ATP11B: variants seen among roughly 807,000 people sequenced by gnomAD.
ATP11B encodes ATPase phospholipid transporting 11B (putative).
Under a neutral mutation model 157.8 loss-of-function variants are expected in ATP11B, and 81 were observed. The ratio of observed to expected loss-of-function variants is 0.51; its 90% CI spans 0.43 to 0.62. The LOEUF (loss-of-function observed/expected upper bound fraction) is 0.62, where lower values mean the gene tolerates loss of function less well. ATP11B is among the 20% of genes least tolerant of loss of function. The probability of loss-of-function intolerance (pLI) is 0.00; values close to 1 mark genes in which losing one functional copy is unlikely to be tolerated. For missense variants in ATP11B, 1,165 were observed against 1,402.2 expected (o/e 0.83, Z 2.70); for synonymous variants, 451 against 469.4 (o/e 0.96, Z 0.51).
chr3:182,814,050 A>ATATT (rs1178000905), intron 1 of ATP11B, among the ~76,000 whole-genome samples: 3 of 151,442 alleles, frequency 2.0e-5, no homozygotes, highest in Non-Finnish European at 4.4e-5. Context: ...GTGATATTTT[A>ATATT]TATTTATTTA....
chr3:182,889,505 A>G lies in ATP11B; in HGVS notation c.2939A>G (p.Tyr980Cys), dbSNP rs772236676. 9.6e-6 allele frequency: 15 copies of G among 1,570,006 alleles called. No individual in the cohort carries two copies. In the East Asian group the frequency reaches 1.2e-4, roughly 12 times the overall value. ...SHAFIFFFGS[Y>C]LLIGKDTSLL... ...GCCTTTATTTTCTTTTTTGGATCCTATTTACTAATAGGGAAAGATACATCT... is the reference window on the plus strand; with the variant it reads ...GCCTTTATTTTCTTTTTTGGATCCTGTTTACTAATAGGGAAAGATACATCT... The change falls in exon 25 of 30, where the codon TAT becomes TGT. Residue 980 changes from tyrosine to cysteine, a missense_variant. Tyr to Cys is a radical substitution (Grantham distance 194). Around this residue, in one of 4 missense-constraint regions of ATP11B, gnomAD observed 303 missense variants for 296.3 expected, o/e 1.02. Transcript: ENST00000323116.
At chr3:182,857,838 C>CT in intron 10 of ATP11B, 40 bp from the exon 11 acceptor site, 1 of 1,275,448 alleles carries the variant, frequency 7.8e-7, no homozygotes, top group Non-Finnish European at 1.1e-6. Context: ...TATAGTAATA[C>CT]ATGAGTTGTA....
chr3:182,826,800 G>A (rs1480924268), intron 2 of ATP11B, among the ~76,000 whole-genome samples: 2 of 152,042 alleles, frequency 1.3e-5, no homozygotes, highest in Non-Finnish European at 2.9e-5. Context: ...CTGTTTATAA[G>A]GTTGTTCATG....
In ATP11B at chr3:182,805,161, C is replaced by T. The variant is rs76784919; in HGVS notation, c.27+11375C>T. ...CCTAAAGAGTAGACTTTTATTGGGTCATATAGTAACTCTGTTTTTAACTTT... is the reference window on the plus strand; with the variant it reads ...CCTAAAGAGTAGACTTTTATTGGGTTATATAGTAACTCTGTTTTTAACTTT... On this transcript the variant is annotated intron_variant, in intron 1 of 29. Transcript: ENST00000323116. Among the ~76,000 whole-genome samples, 14 of 152,240 alleles carry T rather than the reference C, an allele frequency of 9.2e-5. No individual in the cohort carries two copies. The East Asian group carries it at 2.7e-3, about 29-fold the overall frequency.
In ATP11B at chr3:182,817,800, T is replaced by G. The variant is rs575677056; in HGVS notation, c.28-2460T>G. The stretch of plus-strand genomic sequence containing the variant: ...TTGCTGTTATTTTGGGTCCTTTTTT[T>G]TTTGTTTCTTAACTTTAGATGTACA... On this transcript the variant is annotated intron_variant, in intron 1 of 29. Transcript: ENST00000323116. 2.0e-5 allele frequency among the ~76,000 whole-genome samples: 3 copies of G among 152,110 alleles called. No homozygotes were observed. The South Asian group carries it at 6.2e-4, about 31-fold the overall frequency.
intron 10 of ATP11B, among the ~76,000 whole-genome samples, chr3:182,854,722 C>T (rs1720239518): frequency 6.6e-6 from 1 of 150,880 alleles, no homozygotes; most frequent in Non-Finnish European, 1.5e-5. Context: ...GACTTGTATC[C>T]TGAGTATATA....
intron 20 of ATP11B, among the ~76,000 whole-genome samples, chr3:182,880,475 T>C (rs968575308): frequency 6.6e-6 from 1 of 152,184 alleles, no homozygotes; most frequent in Non-Finnish European, 1.5e-5. Context: ...TTGATTTTTT[T>C]AAAGTCTTAA....
chr3:182,856,250 A>G (rs1720393468), intron 10 of ATP11B, among the ~76,000 whole-genome samples: 1 of 152,226 alleles, frequency 6.6e-6, no homozygotes, highest in Non-Finnish European at 1.5e-5. Flanking sequence ...ACTAATACAC[A>G]GTAAAAAAAT....
At position 182,914,709 on chromosome 3, in the gene ATP11B, A is replaced by G. The variant is rs796576479; in HGVS notation, c.3452+715A>G. On this transcript the variant is annotated intron_variant, in intron 29 of 29. Transcript: ENST00000323116. The stretch of plus-strand genomic sequence containing the variant: ...CACCATGCCTGCTGTTGTGCACCAT[A>G]ACGAAAAAAAACACCTTTTGGTAAA... 8.9e-5 allele frequency: 88 copies of G among 985,414 alleles called. No individual in the cohort carries two copies. In the African/African-American group the frequency reaches 1.4e-3, roughly 16 times the overall value. 61.0% of individuals were successfully genotyped at this position (985,414 alleles called of 1,614,324 possible).
intron 4 of ATP11B, among the ~76,000 whole-genome samples, chr3:182,830,322 CAA>C (rs5854958): frequency 3.5e-4 from 35 of 99,094 alleles, no homozygotes; most frequent in Non-Finnish European, 3.8e-4. Flanking sequence ...GATCCTGTCT[CAA>C]AAAAAAAAAA....
At chr3:182,829,091 T>C (rs985916719) in intron 3 of ATP11B, among the ~76,000 whole-genome samples, 3 of 152,174 alleles carry the variant, frequency 2.0e-5, no homozygotes, top group African/African-American at 7.2e-5. Flanking sequence ...TTGGCTTTCT[T>C]GGAAAAGCAA....
At chr3:182,814,127 AT>A in intron 1 of ATP11B, among the ~76,000 whole-genome samples, 1 of 152,076 alleles carries the variant, frequency 6.6e-6, no homozygotes, top group South Asian at 2.1e-4. Flanking sequence ...CAATGGTGCA[AT>A]CTTGGCTCAC....
chr3:182,822,620 C>T (rs189215939), intron 2 of ATP11B, among the ~76,000 whole-genome samples: 1,763 of 152,204 alleles, frequency 0.012, 36 homozygotes, highest in African/African-American at 0.04. Flanking sequence ...TATAATCCTT[C>T]GGATATATAC....
intron 28 of ATP11B, among the ~76,000 whole-genome samples, chr3:182,901,883 A>G (rs1407286981): frequency 6.6e-6 from 1 of 152,174 alleles, no homozygotes; most frequent in African/African-American, 2.4e-5. Context: ...CAATCATTTT[A>G]TCTATGTGTA....
At position 182,872,548 on chromosome 3, in the gene ATP11B, G is replaced by A. The variant is rs777164420; in HGVS notation, c.2048+11G>A. On this transcript the variant is annotated intron_variant, in intron 18 of 29. Transcript: ENST00000323116. ...AGCAGTAGAAGACAGGTAAGTATCAGATAATTAAAAAATATTACTTTTCTC... is the reference window on the plus strand; with the variant it reads ...AGCAGTAGAAGACAGGTAAGTATCAAATAATTAAAAAATATTACTTTTCTC... 2 of 1,562,048 alleles carry A rather than the reference G, an allele frequency of 1.3e-6. No individual in the cohort carries two copies. The highest frequency in any genetic ancestry group is 1.7e-6 in the Non-Finnish European group (2 of 1,157,322).
rs1012519992 is a variant in ATP11B, at chr3:182,809,036, C to T, written c.28-11224C>T. ...GGTTAGAAAAATAAAAAGTTGGCAA[C>T]CCTATGCCAGTTTCCTAATTTAAAA... On this transcript the variant is annotated intron_variant, in intron 1 of 29. Transcript: ENST00000323116. 7.9e-5 allele frequency among the ~76,000 whole-genome samples: 12 copies of T among 151,894 alleles called. No homozygotes were observed. In the East Asian group the frequency reaches 1.7e-3, roughly 22 times the overall value.
At chr3:182,823,936 T>G (rs1717546472) in intron 2 of ATP11B, among the ~76,000 whole-genome samples, 1 of 152,180 alleles carries the variant, frequency 6.6e-6, no homozygotes, top group Non-Finnish European at 1.5e-5. Flanking sequence ...AATCAAGATG[T>G]GGAATATATC....
chr3:182,877,001 A>C (rs1266579955), intron 19 of ATP11B, among the ~76,000 whole-genome samples: 2 of 152,256 alleles, frequency 1.3e-5, no homozygotes, highest in Non-Finnish European at 2.9e-5. Flanking sequence ...TCTGTCGCAC[A>C]AAGAATTTCA....
intron 7 of ATP11B, among the ~76,000 whole-genome samples, chr3:182,838,403 T>C (rs1718727296): frequency 6.6e-6 from 1 of 151,984 alleles, no homozygotes; most frequent in African/African-American, 2.4e-5. Context: ...GAAGTATAAC[T>C]AATGCTTTGG....
Sources: allele counts gnomAD v4.1 joint callset (sites outside exome capture counted in the v4.1 genomes callset), GRCh38; gene constraint gnomAD v4.1.1; regional missense constraint gnomAD v4.1.1; transcripts MANE v1.5; gene names NCBI Gene and HGNC (gene_info 2026-07-23, HGNC 2026-07-21).